Variants in CFAP299 observed in about 807,000 individuals in gnomAD.
The protein encoded by CFAP299 is cilia- and flagella-associated protein 299.
In CFAP299, 21 loss-of-function variants were observed where a neutral mutation model predicts 27.0. The ratio of observed to expected loss-of-function variants is 0.78; its 90% CI spans 0.55 to 1.12. The LOEUF (loss-of-function observed/expected upper bound fraction) is 1.12. CFAP299 is among the 50% of genes most tolerant of loss of function. CFAP299 has a pLI of 0.00. For missense variants in CFAP299, 310 were observed against 276.6 expected (o/e 1.12, Z -0.86); for synonymous variants, 104 against 98.1 (o/e 1.06, Z -0.36).
chr4:80,700,246 TTTATCAAATAATA>T (rs2110026154), intron 3 of CFAP299, among the ~76,000 whole-genome samples: 1 of 152,248 alleles, frequency 6.6e-6, no homozygotes, highest in East Asian at 1.9e-4. Context: ...ACCCTTGTTC[TTTATCAAATAATA>T]TTAATAGTAA....
chr4:80,809,735 G>T (rs1398958856), intron 3 of CFAP299, among the ~76,000 whole-genome samples: 1 of 152,002 alleles, frequency 6.6e-6, no homozygotes, highest in Non-Finnish European at 1.5e-5. Context: ...TCCCTTACAG[G>T]ACAGAGACCA....
At chr4:80,526,738 T>A (rs758070384) in intron 2 of CFAP299, among the ~76,000 whole-genome samples, 6 of 152,152 alleles carry the variant, frequency 3.9e-5, no homozygotes, top group Non-Finnish European at 7.4e-5. Context: ...TAAACATAAA[T>A]TGACCTATAT....
upstream of CFAP299, among the ~76,000 whole-genome samples, chr4:80,333,995 C>A (rs1194675541): frequency 1.3e-5 from 2 of 152,138 alleles, no homozygotes; most frequent in Non-Finnish European, 2.9e-5. Flanking sequence ...ACTATTAATT[C>A]TAGCCTTACT....
chr4:80,796,485 G>A (rs1418388999), intron 3 of CFAP299, among the ~76,000 whole-genome samples: 1 of 152,170 alleles, frequency 6.6e-6, no homozygotes, highest in East Asian at 1.9e-4. Flanking sequence ...CTGGAACGTT[G>A]ATATACCACT....
chr4:80,660,016 A>G (rs1740757593), intron 3 of CFAP299, among the ~76,000 whole-genome samples: 1 of 152,162 alleles, frequency 6.6e-6, no homozygotes, highest in Non-Finnish European at 1.5e-5. Context: ...GACTGACACT[A>G]TCTGAACCTA....
At chr4:80,891,846 A>AAG (rs1553903803) in intron 4 of CFAP299, among the ~76,000 whole-genome samples, 51 of 145,966 alleles carry the variant, frequency 3.5e-4, no homozygotes, top group African/African-American at 1.2e-3. Flanking sequence ...AAAAAAAAAA[A>AAG]AAAGAAATTG....
chr4:80,584,082 G>A lies in CFAP299; in HGVS notation c.333+899G>A, dbSNP rs543288419. On this transcript the variant is annotated intron_variant, in intron 3 of 5. Coordinates refer to ENST00000358105, the MANE Select transcript of CFAP299 (RefSeq NM_152770.3). ...TAGTTAATAGAATAGAATTAACCCCGACTTAAAATAAGGGAAAATTTCTTG... is the reference window on the plus strand; with the variant it reads ...TAGTTAATAGAATAGAATTAACCCCAACTTAAAATAAGGGAAAATTTCTTG... 9.3e-4 allele frequency among the ~76,000 whole-genome samples: 141 copies of A among 151,992 alleles called. 1 individual carries two copies. Among genetic ancestry groups the A allele is most frequent in the African/African-American group, 3.2e-3 (133 of 41,520 alleles).
chr4:80,385,757 T>A (rs957298917), intron 2 of CFAP299, among the ~76,000 whole-genome samples: 13 of 152,242 alleles, frequency 8.5e-5, no homozygotes, highest in African/African-American at 3.1e-4. Context: ...GTCCAACAGA[T>A]AAACTCCAAA....
chr4:80,813,328 C>T (rs1158831652), intron 3 of CFAP299, among the ~76,000 whole-genome samples: 13 of 151,928 alleles, frequency 8.6e-5, no homozygotes, highest in Admixed American at 8.5e-4. Flanking sequence ...TCAACAACTA[C>T]ATTTTTGAAA....
intron 3 of CFAP299, among the ~76,000 whole-genome samples, chr4:80,842,183 T>G (rs1466192601): frequency 1.3e-5 from 2 of 152,126 alleles, no homozygotes; most frequent in African/African-American, 4.8e-5. Context: ...TGTATGTTGT[T>G]GAGCAATATT....
rs1735813219 is a variant in CFAP299, at chr4:80,917,265, A to T, written c.477-27545A>T. On this transcript the variant is annotated intron_variant, in intron 4 of 5. Transcript: ENST00000358105. ...TGAGATATAATGTACTATTTCGCAG[A>T]TAACCGATCTGGGCAAGGAACATAA... 2.0e-5 allele frequency among the ~76,000 whole-genome samples: 3 copies of T among 152,164 alleles called. No individual in the cohort carries two copies. The South Asian group carries it at 6.2e-4, about 31-fold the overall frequency.
chr4:80,358,239 G>A (rs538993910), intron 1 of CFAP299, among the ~76,000 whole-genome samples: 2 of 152,264 alleles, frequency 1.3e-5, no homozygotes, highest in South Asian at 2.1e-4. Context: ...CATTTGCTGA[G>A]GAGTGTTTTA....
At chr4:80,734,425 A>G (rs1321852833) in intron 3 of CFAP299, among the ~76,000 whole-genome samples, 1 of 151,924 alleles carries the variant, frequency 6.6e-6, no homozygotes, top group Non-Finnish European at 1.5e-5. Flanking sequence ...TTGTCTCTTC[A>G]CTTTGTTGAT....
rs1173584857 is a variant in CFAP299 at position 80,475,095 on chromosome 4, G to A, written c.243-107998G>A. Among the ~76,000 whole-genome samples the A allele has an allele frequency of 4.6e-5, 7 of 151,542 alleles. No homozygotes were observed. In the East Asian group the frequency reaches 9.7e-4, roughly 21 times the overall value. On this transcript the variant is annotated intron_variant, in intron 2 of 5. Transcript: ENST00000358105. ...GAAGGGGAGTAAGTGTGGCCTGTTGGGGGGTAGTGAGAAGGCCATGTGGCT... is the reference window on the plus strand; with the variant it reads ...GAAGGGGAGTAAGTGTGGCCTGTTGAGGGGTAGTGAGAAGGCCATGTGGCT...
intron 2 of CFAP299, chr4:80,386,926 C>T (rs568299945): frequency 1.3e-5 from 11 of 845,786 alleles, no homozygotes; most frequent in Non-Finnish European, 2.1e-5. Flanking sequence ...TGGTTGTGAG[C>T]GCGCAGTTTG....
intron 5 of CFAP299, among the ~76,000 whole-genome samples, chr4:80,959,414 C>T (rs920485364): frequency 4.6e-5 from 7 of 151,790 alleles, no homozygotes; most frequent in African/African-American, 1.2e-4. Flanking sequence ...ACTGCTACAA[C>T]TCTGATAAAT....
At chr4:80,776,140 CT>C (rs1726525826) in intron 3 of CFAP299, among the ~76,000 whole-genome samples, 2 of 152,070 alleles carry the variant, frequency 1.3e-5, no homozygotes, top group Admixed American at 1.3e-4. Context: ...GCTTTCAAAA[CT>C]GTTTAGGACA....
the CFAP299 span, among the ~76,000 whole-genome samples, chr4:80,324,474 A>G: frequency 6.6e-6 from 1 of 152,220 alleles, no homozygotes; most frequent in Admixed American, 6.5e-5. Context: ...ATTACACATG[A>G]TATCAAAAGT....
chr4:80,332,404 GATAA>G (rs1237593998), upstream of CFAP299, among the ~76,000 whole-genome samples: 1 of 151,976 alleles, frequency 6.6e-6, no homozygotes, highest in Non-Finnish European at 1.5e-5. Context: ...GGAGAGAAGA[GATAA>G]ATTAACAACA....
Sources: gnomAD v4.1 joint callset for allele counts (sites outside exome capture counted in the v4.1 genomes callset) on GRCh38, gnomAD v4.1.1 for gene constraint, MANE v1.5 for transcripts, NCBI Gene and HGNC (gene_info 2026-07-23, HGNC 2026-07-21) for gene names.